TAF4B: variants seen among roughly 807,000 people sequenced by gnomAD.
The protein encoded by TAF4B is transcription initiation factor TFIID subunit 4B.
Under a neutral mutation model 86.4 loss-of-function variants are expected in TAF4B, and 38 were observed. The ratio of observed to expected loss-of-function variants is 0.44; its 90% confidence interval spans 0.34 to 0.58. The LOEUF is 0.58. TAF4B is among the 20% of genes least tolerant of loss of function. TAF4B has a pLI of 0.02. For synonymous variants in TAF4B, 388 were observed against 391.2 expected, an observed-to-expected ratio of 0.99 and a Z score of 0.10; for missense variants, 988 against 1,027.6, an observed-to-expected ratio of 0.96 and a Z score of 0.53.
At chr18:26,346,534 A>G (rs555851481) in intron 13 of TAF4B, among the ~76,000 whole-genome samples, 1 of 151,742 alleles carries the variant, frequency 6.6e-6, no homozygotes, top group African/African-American at 2.4e-5. Flanking sequence ...ATCCCAAACA[A>G]GTCCTCTCCT....
At chr18:26,316,055 T>C (rs1451464079) in intron 10 of TAF4B, among the ~76,000 whole-genome samples, 1 of 151,920 alleles carries the variant, frequency 6.6e-6, no homozygotes, top group African/African-American at 2.4e-5. Flanking sequence ...ATACAGAAAA[T>C]TAGCCAGGTG....
intron 14 of TAF4B, among the ~76,000 whole-genome samples, chr18:26,362,065 C>T (rs982952267): frequency 1.3e-5 from 2 of 152,108 alleles, no homozygotes; most frequent in African/African-American, 2.4e-5. Context: ...TAACATTATA[C>T]AACAAATTAT....
intron 13 of TAF4B, among the ~76,000 whole-genome samples, chr18:26,350,674 T>C (rs1451219065): frequency 6.6e-6 from 1 of 152,096 alleles, no homozygotes; most frequent in Non-Finnish European, 1.5e-5. Context: ...AGACCCTGTT[T>C]CTAGAAAAAG....
At chr18:26,256,459 C>G (rs2056085932) in intron 1 of TAF4B, 6 of 674,578 alleles carry the variant, frequency 8.9e-6, no homozygotes, top group East Asian at 2.7e-5. Context: ...CAAGCACTCC[C>G]TACTCCAGTT....
At chr18:26,249,443 G>T (rs1489663824) in intron 1 of TAF4B, among the ~76,000 whole-genome samples, 2 of 151,580 alleles carry the variant, frequency 1.3e-5, no homozygotes, top group Non-Finnish European at 2.9e-5. Flanking sequence ...TTGCACTCCA[G>T]CCTGGGCAAC....
At chr18:26,292,984 C>T (rs1436743891) in intron 8 of TAF4B, among the ~76,000 whole-genome samples, 1 of 151,758 alleles carries the variant, frequency 6.6e-6, no homozygotes, top group African/African-American at 2.4e-5. Context: ...TAGATTTTTT[C>T]TTCTTAAAAT....
chr18:26,281,264 AG>A (rs1302885894), intron 5 of TAF4B, among the ~76,000 whole-genome samples: 9 of 150,766 alleles, frequency 6.0e-5, no homozygotes, highest in Non-Finnish European at 1.5e-5. Context: ...CTAAAATAAA[AG>A]CTGAATTTTT....
chr18:26,286,047 A>G lies in TAF4B; in HGVS notation c.1138A>G (p.Ile380Val), dbSNP rs765035314. ...GTCCTCAAGCCAGTCTGAAAAGTCAATTATTGTTTCTGGAGCAACAGCACC... is the reference window on the plus strand; with the variant it reads ...GTCCTCAAGCCAGTCTGAAAAGTCAGTTATTGTTTCTGGAGCAACAGCACC... ...TVSSSQSEKS[I>V]IVSGATAPRT... The change falls in exon 7 of 15, where the codon ATT (isoleucine) becomes GTT (valine). Residue 380 changes from isoleucine to valine, a missense_variant. By Grantham distance (29) the Ile-to-Val change is conservative. Coordinates refer to ENST00000269142, the MANE Select transcript of TAF4B (RefSeq NM_005640.3). 31 of 1,614,100 alleles carry G rather than the reference A, an allele frequency of 1.9e-5. No homozygotes were observed. The East Asian group carries it at 5.1e-4, about 27-fold the overall frequency.
At chr18:26,376,763 G>GA (rs1397211183) in intron 14 of TAF4B, among the ~76,000 whole-genome samples, 2 of 152,040 alleles carry the variant, frequency 1.3e-5, no homozygotes, top group Non-Finnish European at 2.9e-5. Context: ...GAATTTAGGG[G>GA]AAAAGAGTTC....
In TAF4B at chr18:26,226,998, C is replaced by T; in HGVS notation, c.65C>T (p.Thr22Ile). 7.0e-7 allele frequency: 1 copy of T among 1,437,490 alleles called. No individual in the cohort carries two copies. The highest frequency in any genetic ancestry group is 1.4e-5 in the South Asian group (1 of 69,790). 89.0% of individuals were successfully genotyped at this position (1,437,490 alleles called of 1,614,324 possible). ...CCGGCTGCTGTGAGCGCCTCGGGGA[C>T]CGTGACCATGGCCCCGGCCGGGGCG... ...APPAAVSASG[T>I]VTMAPAGALP... Residue 22 changes from threonine (T) to isoleucine (I), a missense_variant, in exon 1 of 15, where the codon ACC becomes ATC. This residue lies in a region of TAF4B where 747 missense variants were observed against 737.9 expected (regional missense o/e 1.01). Transcript: ENST00000269142.
chr18:26,256,332 A>C lies in TAF4B; in HGVS notation c.344-8838A>C, dbSNP rs796130456. 1.4e-5 allele frequency: 20 copies of C among 1,451,880 alleles called. No homozygotes were observed. In the African/African-American group the frequency reaches 2.7e-4, roughly 19 times the overall value. 89.9% of individuals were successfully genotyped at this position (1,451,880 alleles called of 1,614,324 possible). On this transcript the variant is annotated intron_variant, in intron 1 of 14. Coordinates refer to ENST00000269142, the MANE Select transcript of TAF4B (RefSeq NM_005640.3). ...ACAGCAGCCCTCTATACTTCGGTAC[A>C]TCTTTGGCGTGTGAAAACCAAACAT...
intron 1 of TAF4B, among the ~76,000 whole-genome samples, chr18:26,263,698 GCTCTTTCT>G (rs377734250): frequency 2.7e-5 from 4 of 150,634 alleles, no homozygotes; most frequent in South Asian, 2.1e-4. Flanking sequence ...TCTTTCTTTC[GCTCTTTCT>G]CTCTTTCTCT....
intron 5 of TAF4B, among the ~76,000 whole-genome samples, chr18:26,279,049 T>TA (rs1568123512): frequency 6.6e-6 from 1 of 151,386 alleles, no homozygotes; most frequent in African/African-American, 2.4e-5. Flanking sequence ...GAGAAAGAAA[T>TA]AAAGGCCTCC....
chr18:26,384,763 C>T (rs1388616026), intron 14 of TAF4B, among the ~76,000 whole-genome samples: 1 of 152,164 alleles, frequency 6.6e-6, no homozygotes, highest in Non-Finnish European at 1.5e-5. Flanking sequence ...ATTTAGAGAG[C>T]GTATGCCATT....
chr18:26,299,125 T>A (rs1297925759), intron 9 of TAF4B, among the ~76,000 whole-genome samples: 1 of 152,034 alleles, frequency 6.6e-6, no homozygotes, highest in East Asian at 1.9e-4. Context: ...CCTCCCAAAG[T>A]GCTGGGATTA....
intron 12 of TAF4B, among the ~76,000 whole-genome samples, chr18:26,332,765 T>G (rs973410017): frequency 4.6e-5 from 7 of 152,066 alleles, no homozygotes; most frequent in African/African-American, 1.4e-4. Flanking sequence ...CTCCTGACCT[T>G]TGGTGATCCA....
rs774306047 is a variant in TAF4B, at chr18:26,315,394, C to T, written c.1998C>T (p.Asp666=). The T allele has an allele frequency of 1.9e-6, 3 of 1,610,516 alleles. No individual in the cohort carries two copies. Among genetic ancestry groups the T allele is most frequent in the East Asian group, 4.5e-5 (2 of 44,808 alleles). ...GAGCTCTACAAAAGAGAATTTTAGA[C>T]ATTGGTAAGTGTAGAGTTATGATTA... The part of the protein sequence containing the change: ...FIGALQKRIL[D]IGKKHDITEL... Residue 666 remains aspartate, a synonymous_variant, in exon 10 of 15, where the codon GAC becomes GAT. Coordinates refer to ENST00000269142, the MANE Select transcript of TAF4B (RefSeq NM_005640.3).
At chr18:26,232,846 T>A (rs1020253257) in intron 1 of TAF4B, among the ~76,000 whole-genome samples, 26 of 151,926 alleles carry the variant, frequency 1.7e-4, no homozygotes, top group Non-Finnish European at 3.7e-4. Flanking sequence ...CCTTTGAGAG[T>A]GTGTGGTAGT....
intron 14 of TAF4B, among the ~76,000 whole-genome samples, chr18:26,367,066 T>A (rs1445273484): frequency 6.6e-6 from 1 of 152,234 alleles, no homozygotes; most frequent in Non-Finnish European, 1.5e-5. Flanking sequence ...AGTACTCTAA[T>A]AGGATCATCC....
Sources: allele counts gnomAD v4.1 joint callset (sites outside exome capture counted in the v4.1 genomes callset), GRCh38; gene constraint gnomAD v4.1.1; regional missense constraint gnomAD v4.1.1; transcripts MANE v1.5; gene names NCBI Gene and HGNC (gene_info 2026-07-23, HGNC 2026-07-21).